The following TTC28 variants were observed in gnomAD, a reference collection of about 807,000 sequenced individuals.
TTC28 encodes the protein tetratricopeptide repeat protein 28.
A neutral mutation model predicts 198.0 loss-of-function variants in TTC28; 61 were observed. That is an observed-to-expected ratio of 0.31 (90% CI 0.25 to 0.38). The LOEUF (loss-of-function observed/expected upper bound fraction) is 0.38. TTC28 is among the 10% of genes least tolerant of loss of function. The pLI is 1.00. For synonymous variants in TTC28, 1,171 were observed against 1,297.8 expected (o/e 0.90, Z 2.10); for missense variants, 2,678 against 3,164.0 (o/e 0.85, Z 3.69).
intron 12 of TTC28, among the ~76,000 whole-genome samples, chr22:28,059,854 A>G (rs957547828): frequency 2.7e-5 from 4 of 146,626 alleles, no homozygotes; most frequent in African/African-American, 9.9e-5. Flanking sequence ...TTAATATTTA[A>G]TCTGACTGAA....
intron 1 of TTC28, among the ~76,000 whole-genome samples, chr22:28,652,257 A>G (rs923968513): frequency 3.9e-5 from 6 of 152,240 alleles, no homozygotes; most frequent in Admixed American, 3.9e-4. Context: ...CAGTCTACAG[A>G]TAATGCTTGG....
chr22:28,627,234 T>C (rs567060336), intron 2 of TTC28, among the ~76,000 whole-genome samples: 1 of 152,244 alleles, frequency 6.6e-6, no homozygotes, highest in Admixed American at 6.5e-5. Flanking sequence ...ATGTACAAGT[T>C]AAAAATTATC....
At chr22:28,376,571 G>A (rs1027627173) in intron 2 of TTC28, among the ~76,000 whole-genome samples, 1 of 152,080 alleles carries the variant, frequency 6.6e-6, no homozygotes, top group Non-Finnish European at 1.5e-5. Flanking sequence ...CATTGGACAA[G>A]GGGCAACAAA....
At chr22:28,177,064 T>C (rs1923226033) in intron 5 of TTC28, among the ~76,000 whole-genome samples, 1 of 152,150 alleles carries the variant, frequency 6.6e-6, no homozygotes, top group South Asian at 2.1e-4. Context: ...ATGCAAAAGA[T>C]ACTGTTAGGA....
At chr22:28,069,224 CT>C (rs1480275956) in intron 12 of TTC28, among the ~76,000 whole-genome samples, 1 of 152,136 alleles carries the variant, frequency 6.6e-6, no homozygotes, top group African/African-American at 2.4e-5. Context: ...TTTCAGAAGT[CT>C]TTTTTAAGGC....
intron 2 of TTC28, among the ~76,000 whole-genome samples, chr22:28,607,592 A>C (rs1165702783): frequency 6.6e-6 from 1 of 152,196 alleles, no homozygotes; most frequent in East Asian, 1.9e-4. Flanking sequence ...TGATTTTTTT[A>C]ATGTCACAAA....
chr22:28,222,818 G>A lies in TTC28; in HGVS notation c.934-59219C>T, dbSNP rs574815370. 5.3e-5 allele frequency among the ~76,000 whole-genome samples: 8 copies of A among 152,264 alleles called. No homozygotes were observed. In the South Asian group the frequency reaches 8.3e-4, roughly 16 times the overall value. On this transcript the variant is annotated intron_variant, in intron 5 of 22. Coordinates refer to ENST00000397906, the MANE Select transcript of TTC28 (RefSeq NM_001145418.2). ...AGTGGCTAGAAACAAGGCCTGAGCC[G>A]ATCTGTACAAGCCCTTTTCAGCCTT... is the stretch of plus-strand genomic sequence containing the variant.
chr22:28,652,076 G>T (rs1359020962), intron 1 of TTC28, among the ~76,000 whole-genome samples: 1 of 151,940 alleles, frequency 6.6e-6, no homozygotes, highest in Non-Finnish European at 1.5e-5. Context: ...CTGACCTCAG[G>T]TGATCCGCCC....
chr22:28,107,530 T>G lies in TTC28; in HGVS notation c.2315A>C (p.Lys772Thr), dbSNP rs772656648. 4 of 1,551,900 alleles carry G rather than the reference T, an allele frequency of 2.6e-6. No individual in the cohort carries two copies. Among genetic ancestry groups the G allele is most frequent in the South Asian group, 2.4e-5 (2 of 84,068 alleles). Reference protein sequence around the residue: ...TAYRMIQKYDKALGYHTQELE... With the variant: ...TAYRMIQKYDTALGYHTQELE... ...TTCCTGTGTGTGATAACCCAGGGCC[T>G]TGTCATACTTCTGGATCATTCGGTA... Residue 772 changes from lysine (K) to threonine (T), a missense_variant, in exon 7 of 23, where the codon AAG becomes ACG. Physicochemically the swap from Lys to Thr is moderately conservative, Grantham distance 78. This residue lies in a region of TTC28 where 775 missense variants were observed against 845.9 expected (regional missense o/e 0.92). Coordinates refer to ENST00000397906, the MANE Select transcript of TTC28 (RefSeq NM_001145418.2).
At chr22:28,162,785 A>G (rs2147054077) in intron 6 of TTC28, among the ~76,000 whole-genome samples, 1 of 152,258 alleles carries the variant, frequency 6.6e-6, no homozygotes, top group South Asian at 2.1e-4. Flanking sequence ...GCCTGTCTCT[A>G]CAAAAAATTT....
intron 5 of TTC28, among the ~76,000 whole-genome samples, chr22:28,271,163 T>G (rs1447030482): frequency 6.6e-6 from 1 of 151,828 alleles, no homozygotes; most frequent in East Asian, 1.9e-4. Flanking sequence ...CCACCCAGGC[T>G]GGTCTCAGGC....
chr22:28,515,204 A>G (rs2048761250), intron 2 of TTC28, among the ~76,000 whole-genome samples: 1 of 152,334 alleles, frequency 6.6e-6, no homozygotes, highest in East Asian at 1.9e-4. Context: ...AAAGCTTTCA[A>G]TAATGTTGTT....
intron 5 of TTC28, among the ~76,000 whole-genome samples, chr22:28,201,741 T>A (rs1371089426): frequency 7.6e-6 from 1 of 132,318 alleles, no homozygotes. Flanking sequence ...AAAGATCTGA[T>A]TACAGAAAGC....
chr22:28,543,024 T>C (rs1347408114), intron 2 of TTC28, among the ~76,000 whole-genome samples: 1 of 152,154 alleles, frequency 6.6e-6, no homozygotes, highest in Non-Finnish European at 1.5e-5. Context: ...AAAAATATTT[T>C]TTAAAAAACT....
intron 2 of TTC28, among the ~76,000 whole-genome samples, chr22:28,622,499 A>G (rs2051015658): frequency 6.6e-6 from 1 of 152,050 alleles, no homozygotes; most frequent in Admixed American, 6.5e-5. Flanking sequence ...AATCAACTCT[A>G]GAAAGTATTC....
chr22:28,086,815 A>C (rs942206753), intron 12 of TTC28, among the ~76,000 whole-genome samples: 4 of 152,156 alleles, frequency 2.6e-5, no homozygotes, highest in Non-Finnish European at 4.4e-5. Flanking sequence ...GCAATAAAAA[A>C]TGATAAAGGG....
intron 12 of TTC28, among the ~76,000 whole-genome samples, chr22:28,071,928 T>C (rs558551583): frequency 6.6e-6 from 1 of 152,262 alleles, no homozygotes; most frequent in East Asian, 1.9e-4. Flanking sequence ...TCTCATTACT[T>C]GTGAAGCCTT....
intron 5 of TTC28, among the ~76,000 whole-genome samples, chr22:28,259,790 G>C (rs1569226453): frequency 6.6e-6 from 1 of 152,092 alleles, no homozygotes; most frequent in Non-Finnish European, 1.5e-5. Context: ...CTTTAAAAGT[G>C]TTGTGCTGCA....
At chr22:28,475,759 C>T (rs888935575) in intron 2 of TTC28, among the ~76,000 whole-genome samples, 11 of 151,984 alleles carry the variant, frequency 7.2e-5, no homozygotes, top group African/African-American at 2.7e-4. Flanking sequence ...TTTATAAATG[C>T]CACAGTAGTC....
Sources: gnomAD v4.1 joint callset for allele counts (sites outside exome capture counted in the v4.1 genomes callset) on GRCh38, gnomAD v4.1.1 for gene constraint, gnomAD v4.1.1 regional missense constraint, MANE v1.5 for transcripts, NCBI Gene and HGNC (gene_info 2026-07-23, HGNC 2026-07-21) for gene names.